The following HS3ST4 variants were observed in gnomAD, a reference collection of about 807,000 sequenced individuals.
HS3ST4 encodes heparan sulfate-glucosamine 3-sulfotransferase 4, also known as heparan sulfate glucosamine 3-O-sulfotransferase 4.
HS3ST4 carries 17 observed loss-of-function variants against 29.2 expected under a neutral mutation model. That is an observed-to-expected ratio of 0.58 (90% confidence interval 0.40 to 0.87). The LOEUF (loss-of-function observed/expected upper bound fraction) is 0.87, where lower values mean the gene tolerates loss of function less well. Ranked by LOEUF, HS3ST4 falls within the 40% of genes least tolerant of loss-of-function variation. The pLI is 0.00. For synonymous variants in HS3ST4, 314 were observed against 285.7 expected (o/e 1.10, Z -1.00); for missense variants, 627 against 634.5 (o/e 0.99, Z 0.13).
chr16:25,954,718 C>T (rs1968712268), intron 1 of HS3ST4, among the ~76,000 whole-genome samples: 1 of 152,148 alleles, frequency 6.6e-6, no homozygotes, highest in Admixed American at 6.5e-5. Context: ...CAAGGTGACT[C>T]TCAAGGGAAG....
At chr16:25,857,919 C>CCTTCCTTCCTTCCTTT (rs1455979612) in intron 1 of HS3ST4, among the ~76,000 whole-genome samples, 41 of 58,092 alleles carry the variant, frequency 7.1e-4, no homozygotes, top group Non-Finnish European at 9.3e-4. Context: ...TTCCTTCCTT[C>CCTTCCTTCCTTCCTTT]CTTTCTTTCT....
chr16:25,765,012 G>T (rs1966808923), intron 1 of HS3ST4, among the ~76,000 whole-genome samples: 1 of 152,216 alleles, frequency 6.6e-6, no homozygotes, highest in African/African-American at 2.4e-5. Flanking sequence ...AAGAAATGGA[G>T]GTGAGCAGAA....
intron 1 of HS3ST4, among the ~76,000 whole-genome samples, chr16:25,828,254 T>TTCTTTCTTTTTCTG (rs1967246296): frequency 2.7e-5 from 2 of 73,618 alleles, no homozygotes; most frequent in African/African-American, 1.2e-4. Context: ...CTTTCTTTCT[T>TTCTTTCTTTTTCTG]TCTTTCTTTC....
At chr16:25,917,764 A>G (rs1968306693) in intron 1 of HS3ST4, among the ~76,000 whole-genome samples, 1 of 152,228 alleles carries the variant, frequency 6.6e-6, no homozygotes, top group South Asian at 2.1e-4. Flanking sequence ...ATTTGAAATT[A>G]TTAAGCTTCT....
At chr16:25,784,458 A>C (rs929734252) in intron 1 of HS3ST4, among the ~76,000 whole-genome samples, 9 of 152,356 alleles carry the variant, frequency 5.9e-5, no homozygotes, top group Admixed American at 2.0e-4. Context: ...AAAGTTTTTG[A>C]AGGAAATTAA....
chr16:25,759,556 G>A (rs576141023), intron 1 of HS3ST4, among the ~76,000 whole-genome samples: 250 of 152,280 alleles, frequency 1.6e-3, no homozygotes, highest in Non-Finnish European at 2.4e-3. Flanking sequence ...CAGGAGGTCC[G>A]AGTTGTGACT....
At chr16:25,827,173 G>A (rs3803713) in intron 1 of HS3ST4, among the ~76,000 whole-genome samples, 42,853 of 151,956 alleles carry the variant, frequency 0.28, 6,428 homozygotes, top group African/African-American at 0.36. Flanking sequence ...CAACGTAGCT[G>A]CTCTCAGACT....
At chr16:25,854,520 G>A (rs1040345052) in intron 1 of HS3ST4, among the ~76,000 whole-genome samples, 15 of 151,966 alleles carry the variant, frequency 9.9e-5, no homozygotes, top group African/African-American at 2.9e-4. Flanking sequence ...ATCCTGTGCC[G>A]ACCTCCTATC....
chr16:25,831,343 A>G (rs1439867417), intron 1 of HS3ST4, among the ~76,000 whole-genome samples: 2 of 150,214 alleles, frequency 1.3e-5, no homozygotes, highest in African/African-American at 4.9e-5. Flanking sequence ...TGGGAGGATG[A>G]CTGGAAGCCA....
At chr16:26,053,237 A>G (rs1320747533) in intron 1 of HS3ST4, among the ~76,000 whole-genome samples, 1 of 152,230 alleles carries the variant, frequency 6.6e-6, no homozygotes, top group Non-Finnish European at 1.5e-5. Context: ...ATGATCTGTG[A>G]GAGCAGGTGG....
intron 1 of HS3ST4, among the ~76,000 whole-genome samples, chr16:25,800,985 A>AT (rs1484631366): frequency 6.6e-6 from 1 of 152,178 alleles, no homozygotes; most frequent in East Asian, 1.9e-4. Flanking sequence ...AATCCAAGGT[A>AT]TTTTGTTACA....
chr16:26,053,865 T>C (rs1898374904), intron 1 of HS3ST4, among the ~76,000 whole-genome samples: 1 of 152,068 alleles, frequency 6.6e-6, no homozygotes, highest in Non-Finnish European at 1.5e-5. Context: ...AAAATCTCCA[T>C]AATTTTAAAT....
intron 1 of HS3ST4, among the ~76,000 whole-genome samples, chr16:25,789,780 A>G (rs1013916835): frequency 1.3e-5 from 2 of 152,168 alleles, no homozygotes; most frequent in East Asian, 3.9e-4. Flanking sequence ...TATTGCTTCT[A>G]TTTCCACAGA....
intron 1 of HS3ST4, among the ~76,000 whole-genome samples, chr16:25,791,050 T>C (rs1966868151): frequency 6.6e-6 from 1 of 152,174 alleles, no homozygotes; most frequent in South Asian, 2.1e-4. Flanking sequence ...AATTTATATA[T>C]GATTGATTTT....
intron 1 of HS3ST4, among the ~76,000 whole-genome samples, chr16:25,963,641 C>T (rs766628325): frequency 1.3e-5 from 2 of 152,248 alleles, no homozygotes; most frequent in African/African-American, 4.8e-5. Context: ...ATTTTACTCT[C>T]ATCATCAAAT....
chr16:25,771,194 G>A (rs1049508690), intron 1 of HS3ST4, among the ~76,000 whole-genome samples: 2 of 152,076 alleles, frequency 1.3e-5, no homozygotes, highest in East Asian at 1.9e-4. Flanking sequence ...CTGTGTCCAT[G>A]TGTTCTCATT....
intron 1 of HS3ST4, among the ~76,000 whole-genome samples, chr16:25,776,030 A>T (rs1966847258): frequency 6.6e-6 from 1 of 152,178 alleles, no homozygotes; most frequent in African/African-American, 2.4e-5. Context: ...TTTGCCAAAG[A>T]AGTTAGCCTC....
At chr16:25,937,160 T>G (rs2141690327) in intron 1 of HS3ST4, among the ~76,000 whole-genome samples, 1 of 152,140 alleles carries the variant, frequency 6.6e-6, no homozygotes, top group African/African-American at 2.4e-5. Flanking sequence ...ATAGGAAAAT[T>G]GAACATCTGT....
intron 1 of HS3ST4, among the ~76,000 whole-genome samples, chr16:26,100,889 TG>T (rs1898982013): frequency 6.6e-6 from 1 of 152,194 alleles, no homozygotes; most frequent in Non-Finnish European, 1.5e-5. Context: ...ATCTCCATTT[TG>T]CAGATGGGGC....
Sources: gnomAD v4.1 joint callset for allele counts (sites outside exome capture counted in the v4.1 genomes callset) on GRCh38, gnomAD v4.1.1 for gene constraint, MANE v1.5 for transcripts, NCBI Gene and HGNC (gene_info 2026-07-23, HGNC 2026-07-21) for gene names.